The following FAR2 variants were observed in gnomAD, a reference collection of about 807,000 sequenced individuals.
FAR2 encodes fatty acyl-CoA reductase 2, also known as epididymis secretory protein Li 81.
Under a neutral mutation model 56.0 loss-of-function variants are expected in FAR2, and 19 were observed. The observed-to-expected ratio is 0.34, with a 90% CI of 0.24 to 0.50. The LOEUF is 0.50. Among genes scored for constraint, FAR2 ranks in the 20% least tolerant of loss-of-function variants. The pLI is 0.98. For missense variants in FAR2, 508 were observed against 642.2 expected (o/e 0.79, Z 2.26); for synonymous variants, 219 against 218.8 (o/e 1.00, Z -0.01).
chr12:29,157,106 T>TTTATATA (rs1207127541), intron 1 of FAR2: 1 of 73,458 alleles, frequency 1.4e-5, no homozygotes, highest in African/African-American at 5.3e-5. Context: ...AAAGAACATT[T>TTTATATA]TATATATATA....
At chr12:29,233,164 A>G (rs1947885982) in intron 1 of FAR2, among the ~76,000 whole-genome samples, 1 of 151,610 alleles carries the variant, frequency 6.6e-6, no homozygotes, top group African/African-American at 2.4e-5. Flanking sequence ...CATACACTCC[A>G]TTTTCTTGCT....
At chr12:29,215,974 C>A (rs1003417110) in intron 1 of FAR2, among the ~76,000 whole-genome samples, 5 of 152,272 alleles carry the variant, frequency 3.3e-5, no homozygotes, top group African/African-American at 9.6e-5. Flanking sequence ...GTCAACATAA[C>A]TCTACCTCAG....
chr12:29,212,106 C>T (rs950749893), intron 1 of FAR2, among the ~76,000 whole-genome samples: 8 of 151,782 alleles, frequency 5.3e-5, no homozygotes, highest in Non-Finnish European at 1.0e-4. Flanking sequence ...TCTCAAAGTA[C>T]GTTCAGAAAT....
At chr12:29,278,557 A>C (rs1948736231) in intron 2 of FAR2, among the ~76,000 whole-genome samples, 1 of 151,854 alleles carries the variant, frequency 6.6e-6, no homozygotes, top group African/African-American at 2.4e-5. Flanking sequence ...TACATTGTAC[A>C]GGCTGATCTC....
chr12:29,222,685 G>C (rs1294295923), intron 1 of FAR2, among the ~76,000 whole-genome samples: 5 of 152,118 alleles, frequency 3.3e-5, no homozygotes, highest in African/African-American at 4.8e-5. Context: ...GCTAAAGCAG[G>C]GTTCAGGAGG....
intron 4 of FAR2, among the ~76,000 whole-genome samples, chr12:29,299,696 A>G (rs1591945481): frequency 6.6e-6 from 1 of 152,230 alleles, no homozygotes; most frequent in Admixed American, 6.5e-5. Flanking sequence ...ATCCAGGACC[A>G]CCTATCCAGC....
At chr12:29,169,136 C>T (rs1167484383) in intron 1 of FAR2, among the ~76,000 whole-genome samples, 1 of 152,184 alleles carries the variant, frequency 6.6e-6, no homozygotes, top group African/African-American at 2.4e-5. Context: ...CCCCACTCGA[C>T]CCAGGAAGTC....
At chr12:29,324,788 C>A (rs1949616555) in intron 10 of FAR2, among the ~76,000 whole-genome samples, 1 of 152,156 alleles carries the variant, frequency 6.6e-6, no homozygotes, top group Non-Finnish European at 1.5e-5. Context: ...CCAGCCACTG[C>A]AAAAACATGC....
In FAR2 at chr12:29,149,899, A is replaced by G. The variant is rs573737822; in HGVS notation, c.-39+492A>G. 6.7e-4 allele frequency among the ~76,000 whole-genome samples: 102 copies of G among 152,246 alleles called. 3 individuals carry two copies. In the South Asian group the frequency reaches 0.021, roughly 31 times the overall value. On this transcript the variant is annotated intron_variant, in intron 1 of 11. Transcript: ENST00000536681. ...TCCCCTCCCGGTGCCTGGGACCGCC[A>G]GGGCGCCCAGTCCTGGTCCCCGGAG...
At chr12:29,190,602 G>A (rs1412266427) in intron 1 of FAR2, among the ~76,000 whole-genome samples, 2 of 151,974 alleles carry the variant, frequency 1.3e-5, no homozygotes, top group Admixed American at 1.3e-4. Context: ...GTAGCTGGGA[G>A]TATAGGCGCA....
intron 11 of FAR2, chr12:29,332,940 G>A (rs1949753676): frequency 4.8e-6 from 3 of 630,336 alleles, no homozygotes; most frequent in Admixed American, 2.1e-5. Flanking sequence ...CCATTTTTAT[G>A]AGGCAGATAT....
chr12:29,220,582 T>G (rs1947674386), intron 1 of FAR2, among the ~76,000 whole-genome samples: 1 of 152,196 alleles, frequency 6.6e-6, no homozygotes, highest in Non-Finnish European at 1.5e-5. Flanking sequence ...AAAAAATTGT[T>G]TATGATATTT....
intron 9 of FAR2, 100 bp downstream of exon 9, chr12:29,317,112 C>T (rs1173965187): frequency 1.6e-6 from 2 of 1,280,298 alleles, no homozygotes; most frequent in Non-Finnish European, 2.1e-6. Context: ...AAGGAGACAA[C>T]TGAATCTTAC....
At chr12:29,322,660 C>A (rs572898942) in intron 10 of FAR2, among the ~76,000 whole-genome samples, 1 of 152,112 alleles carries the variant, frequency 6.6e-6, no homozygotes, top group African/African-American at 2.4e-5. Flanking sequence ...TCATGTATCC[C>A]GTTTTTAACT....
intron 1 of FAR2, among the ~76,000 whole-genome samples, chr12:29,199,492 C>G (rs1388586759): frequency 6.6e-6 from 1 of 150,982 alleles, no homozygotes; most frequent in Admixed American, 6.6e-5. Context: ...CCCAGCTACT[C>G]TGGAGGCTGA....
At chr12:29,276,677 T>C (rs78314826) in intron 2 of FAR2, among the ~76,000 whole-genome samples, 4,843 of 152,332 alleles carry the variant, frequency 0.032, 104 homozygotes, top group East Asian at 0.072. Flanking sequence ...TAAGGAATTA[T>C]GCAAGAAGTA....
At chr12:29,226,822 A>G (rs1363649552) in intron 1 of FAR2, among the ~76,000 whole-genome samples, 1 of 152,202 alleles carries the variant, frequency 6.6e-6, no homozygotes, top group African/African-American at 2.4e-5. Flanking sequence ...AATGTTTACC[A>G]ATGTGTTACA....
intron 10 of FAR2, 69 bp downstream of exon 10, chr12:29,321,993 G>A (rs910552364): frequency 3.0e-5 from 46 of 1,514,038 alleles, no homozygotes; most frequent in Non-Finnish European, 4.1e-5. Context: ...ATTTGATTTG[G>A]AAAGCTGATG....
chr12:29,150,652 A>G (rs1949675084), intron 1 of FAR2, among the ~76,000 whole-genome samples: 1 of 152,234 alleles, frequency 6.6e-6, no homozygotes, highest in Non-Finnish European at 1.5e-5. Flanking sequence ...GCATTTCCGC[A>G]GAAGGGATAT....
Sources: allele counts gnomAD v4.1 joint callset (sites outside exome capture counted in the v4.1 genomes callset), GRCh38; gene constraint gnomAD v4.1.1; transcripts MANE v1.5; gene names NCBI Gene and HGNC (gene_info 2026-07-23, HGNC 2026-07-21).